Variants in PCDHGA5 observed in about 807,000 individuals in gnomAD.
PCDHGA5 encodes the protein protocadherin gamma subfamily A, 5, also known as protocadherin gamma-A5.
In PCDHGA5, 36 loss-of-function variants were observed where a neutral mutation model predicts 56.7. The observed-to-expected ratio is 0.64, with a 90% CI of 0.49 to 0.84. The LOEUF is 0.84. Ranked by LOEUF, PCDHGA5 falls within the 40% of genes least tolerant of loss-of-function variation. The pLI is 0.00. For missense variants in PCDHGA5, 1,305 were observed against 1,201.5 expected, an observed-to-expected ratio of 1.09 and a Z score of -1.27; for synonymous variants, 563 against 520.2, an observed-to-expected ratio of 1.08 and a Z score of -1.12.
chr5:141,478,599 T>A, intron 1 of PCDHGA5: 1 of 1,565,814 alleles, frequency 6.4e-7, no homozygotes, highest in Non-Finnish European at 8.7e-7. Flanking sequence ...TATTCCTACA[T>A]CATATTGAGG....
intron 1 of PCDHGA5, chr5:141,475,997 G>T: frequency 8.4e-7 from 1 of 1,184,406 alleles, no homozygotes; most frequent in Non-Finnish European, 1.2e-6. Flanking sequence ...CAAATCAACG[G>T]CATCCAGAAA....
intron 1 of PCDHGA5, chr5:141,371,062 G>T: frequency 6.2e-7 from 1 of 1,613,974 alleles, no homozygotes; most frequent in Non-Finnish European, 8.5e-7. Context: ...CCCTCCAGAA[G>T]CTGTACCACC....
Position 141,490,896 on chromosome 5 carries a change from G to A in PCDHGA5, c.2422-3911G>A. 6.2e-7 allele frequency: 1 copy of A among 1,613,938 alleles called. No homozygotes were observed. Among genetic ancestry groups the A allele is most frequent in the Non-Finnish European group, 8.5e-7 (1 of 1,179,922 alleles). ...TGCATGCCAACACATCTCTGCATGTGTTTGTCCTAGACGAGAATGATAATG... is the reference window on the plus strand; with the variant it reads ...TGCATGCCAACACATCTCTGCATGTATTTGTCCTAGACGAGAATGATAATG... On this transcript the variant is annotated intron_variant, in intron 1 of 3. Coordinates refer to ENST00000518069, the MANE Select transcript of PCDHGA5 (RefSeq NM_018918.3). This position sits in a 1 kb window ranked among gnomAD's most constrained non-coding sequence, Gnocchi z 5.4.
At chr5:141,409,639 G>T (rs948112966) in intron 1 of PCDHGA5, 2 of 1,613,760 alleles carry the variant, frequency 1.2e-6, no homozygotes, top group African/African-American at 1.3e-5. Flanking sequence ...CCTCTGACCC[G>T]GATTTGGGGC....
At position 141,491,591 on chromosome 5, in the gene PCDHGA5, G is replaced by A. The variant is rs969259993; in HGVS notation, c.2422-3216G>A. 22 of 1,613,862 alleles carry A rather than the reference G, an allele frequency of 1.4e-5. No individual in the cohort carries two copies. The highest frequency in any genetic ancestry group is 1.8e-5 in the Non-Finnish European group (21 of 1,180,048). ...ACGTGCTTTTCACCGGCCTCGGACG[G>A]CAGTGACTTCACTTTTCTAAGACCC... On this transcript the variant is annotated intron_variant, in intron 1 of 3. Coordinates refer to ENST00000518069, the MANE Select transcript of PCDHGA5 (RefSeq NM_018918.3). This position sits in a 1 kb window ranked among gnomAD's most constrained non-coding sequence, Gnocchi z 6.9.
chr5:141,387,227 A>T (rs1220813655), intron 1 of PCDHGA5, among the ~76,000 whole-genome samples: 3 of 152,230 alleles, frequency 2.0e-5, no homozygotes, highest in Non-Finnish European at 4.4e-5. Context: ...AAGTTGAAAT[A>T]AATCAACTTG....
chr5:141,477,582 A>G lies in PCDHGA5; in HGVS notation c.2422-17225A>G. On this transcript the variant is annotated intron_variant, in intron 1 of 3. Transcript: ENST00000518069. This position sits in a 1 kb window ranked among gnomAD's most constrained non-coding sequence, Gnocchi z 4.9. Reference sequence around the variant, plus strand: ...GTCTGGGACCCCGACGCCCCGCAGAATGCTCGGCTTTCTTTCTTTCTCTTG... The same window carrying G: ...GTCTGGGACCCCGACGCCCCGCAGAGTGCTCGGCTTTCTTTCTTTCTCTTG... The G allele has an allele frequency of 6.2e-7, 1 of 1,614,190 alleles. No homozygotes were observed.
At chr5:141,417,958 C>T (rs1255501304) in intron 1 of PCDHGA5, 3 of 1,613,720 alleles carry the variant, frequency 1.9e-6, no homozygotes, top group South Asian at 2.2e-5. Context: ...GTGAGCCGAT[C>T]CGCTACTCGA....
intron 1 of PCDHGA5, among the ~76,000 whole-genome samples, chr5:141,466,180 AT>A (rs922532578): frequency 6.6e-6 from 1 of 151,138 alleles, no homozygotes; most frequent in Admixed American, 6.6e-5. Context: ...TTTTATTTTT[AT>A]TTTTTTTCAG....
At chr5:141,405,267 A>G (rs1384687423) in intron 1 of PCDHGA5, 1 of 1,614,154 alleles carries the variant, frequency 6.2e-7, no homozygotes, top group South Asian at 1.1e-5. Context: ...ATCTTCCCCC[A>G]GCCCAACTAT....
intron 1 of PCDHGA5, chr5:141,382,766 G>C (rs1015953757): frequency 5.7e-6 from 4 of 705,490 alleles, no homozygotes; most frequent in Admixed American, 2.7e-5. Flanking sequence ...CCTCTTCCAG[G>C]CTGCACTAAA....
rs767842302 is a variant in PCDHGA5 at position 141,381,979 on chromosome 5, G to A, written c.2421+15228G>A. Among the ~76,000 whole-genome samples the A allele has an allele frequency of 2.6e-5, 4 of 151,486 alleles. 1 individual carries two copies. Among genetic ancestry groups the A allele is most frequent in the East Asian group, 3.9e-4 (2 of 5,156 alleles). On this transcript the variant is annotated intron_variant, in intron 1 of 3. Transcript: ENST00000518069. ...TGAGTAGCTGGGATTACAGGCGCGCGCCACCACGCCCGGATAATTTTGTAT... is the reference window on the plus strand; with the variant it reads ...TGAGTAGCTGGGATTACAGGCGCGCACCACCACGCCCGGATAATTTTGTAT...
At chr5:141,502,169 G>A (rs1366413076) in intron 2 of PCDHGA5, among the ~76,000 whole-genome samples, 1 of 152,110 alleles carries the variant, frequency 6.6e-6, no homozygotes, top group African/African-American at 2.4e-5. Flanking sequence ...ATTCAGTTGA[G>A]GAATTTAACA....
At chr5:141,455,899 ATTTATTT>A (rs1441561749) in intron 1 of PCDHGA5, among the ~76,000 whole-genome samples, 5 of 148,258 alleles carry the variant, frequency 3.4e-5, no homozygotes, top group African/African-American at 1.2e-4. Context: ...TTATTTATTT[ATTTATTT>A]ATTTATTTTG....
intron 1 of PCDHGA5, chr5:141,409,549 C>T: frequency 6.2e-7 from 1 of 1,614,004 alleles, no homozygotes; most frequent in Non-Finnish European, 8.5e-7. Context: ...ACGACAACGC[C>T]CCAGTTTTCG....
intron 1 of PCDHGA5, chr5:141,478,470 G>A (rs753075137): frequency 1.2e-6 from 2 of 1,613,686 alleles, no homozygotes; most frequent in Non-Finnish European, 1.7e-6. Context: ...CTGGCCAGCC[G>A]CCAGAACACG....
At chr5:141,367,777 T>C (rs1765325375) in intron 1 of PCDHGA5, 1 of 152,150 alleles carries the variant, frequency 6.6e-6, no homozygotes, top group Non-Finnish European at 1.5e-5. Flanking sequence ...AATGTAAATA[T>C]GTCACACACC....
chr5:141,458,496 A>T (rs905073741), intron 1 of PCDHGA5, among the ~76,000 whole-genome samples: 1 of 151,694 alleles, frequency 6.6e-6, no homozygotes, highest in Non-Finnish European at 1.5e-5. Flanking sequence ...CTGCCTGTAC[A>T]TACTGTTTGA....
At chr5:141,421,548 G>C in intron 1 of PCDHGA5, 1 of 1,613,984 alleles carries the variant, frequency 6.2e-7, no homozygotes, top group Non-Finnish European at 8.5e-7. Flanking sequence ...TTTTAAATAT[G>C]GAACTTCTCG....
Sources: gnomAD v4.1 joint callset for allele counts (sites outside exome capture counted in the v4.1 genomes callset) on GRCh38, gnomAD v4.1.1 for gene constraint, Gnocchi (gnomAD v3.1) non-coding constraint, MANE v1.5 for transcripts, NCBI Gene and HGNC (gene_info 2026-07-23, HGNC 2026-07-21) for gene names.